SLC35E4: variants seen among roughly 807,000 people sequenced by gnomAD.
SLC35E4 encodes the protein solute carrier family 35, member E4.
Under a neutral mutation model 19.3 loss-of-function variants are expected in SLC35E4, and 15 were observed. The ratio of observed to expected loss-of-function variants is 0.78; its 90% confidence interval spans 0.52 to 1.20. The LOEUF (loss-of-function observed/expected upper bound fraction) is 1.20, where lower values mean the gene tolerates loss of function less well. Among genes scored for constraint, SLC35E4 ranks in the 50% most tolerant of loss-of-function variants. SLC35E4 has a pLI of 0.00. For synonymous variants in SLC35E4, 219 were observed against 219.9 expected, an observed-to-expected ratio of 1.00 and a Z score of 0.04; for missense variants, 406 against 472.3, an observed-to-expected ratio of 0.86 and a Z score of 1.30.
chr22:30,642,741 A>AG (rs905958458), intron 1 of SLC35E4, among the ~76,000 whole-genome samples: 2 of 148,976 alleles, frequency 1.3e-5, no homozygotes, highest in African/African-American at 5.0e-5. Context: ...AAAAAAAAAA[A>AG]AAAAAAGGCC....
chr22:30,666,762 C>T (rs1312539583), downstream of SLC35E4: 2 of 151,504 alleles, frequency 1.3e-5, no homozygotes, highest in African/African-American at 4.9e-5. Flanking sequence ...AGTAAACAGG[C>T]AATTACAGGC....
At chr22:30,656,802 A>G (rs2088346790) in intron 2 of SLC35E4, among the ~76,000 whole-genome samples, 1 of 152,150 alleles carries the variant, frequency 6.6e-6, no homozygotes, top group Non-Finnish European at 1.5e-5. Flanking sequence ...CCAATTCTGA[A>G]TATTTAAAAA....
chr22:30,646,019 G>T (rs182754257), intron 1 of SLC35E4, among the ~76,000 whole-genome samples: 4 of 150,904 alleles, frequency 2.7e-5, no homozygotes, highest in Non-Finnish European at 5.9e-5. Context: ...GTTTTATCAC[G>T]TTGCCCGGGC....
At chr22:30,646,395 C>G (rs1407487097) in intron 1 of SLC35E4, among the ~76,000 whole-genome samples, 2 of 152,164 alleles carry the variant, frequency 1.3e-5, no homozygotes. Context: ...GAGCCCAGGT[C>G]ACAGCTACTC....
downstream of SLC35E4, chr22:30,663,927 C>T (rs1410290232): frequency 6.2e-7 from 1 of 1,614,170 alleles, no homozygotes. Context: ...GATATACAGG[C>T]TTTTGGTTAT....
chr22:30,654,458 C>T, intron 2 of SLC35E4: 1 of 438,214 alleles, frequency 2.3e-6, no homozygotes, highest in Non-Finnish European at 4.5e-6. Flanking sequence ...GCAGGAACCA[C>T]CACCTGCTTT....
At chr22:30,658,147 G>A (rs566780462) in intron 2 of SLC35E4, among the ~76,000 whole-genome samples, 2 of 151,474 alleles carry the variant, frequency 1.3e-5, no homozygotes, top group East Asian at 3.9e-4. Context: ...GAATCTCTCG[G>A]GGTTCTAGTT....
intron 1 of SLC35E4, among the ~76,000 whole-genome samples, chr22:30,643,052 C>G (rs2088072846): frequency 1.3e-5 from 2 of 151,378 alleles, no homozygotes; most frequent in Admixed American, 6.6e-5. Context: ...AAAAAAGTAT[C>G]CAGAAAGAGG....
chr22:30,651,399 G>GTA (rs1427700463), downstream of SLC35E4, among the ~76,000 whole-genome samples: 185 of 61,294 alleles, frequency 3.0e-3, 1 homozygote, highest in Non-Finnish European at 3.9e-3. Flanking sequence ...GTGTGTGTGT[G>GTA]TATATATATA....
chr22:30,665,398 A>G, downstream of SLC35E4: 1 of 379,136 alleles, frequency 2.6e-6, no homozygotes, highest in South Asian at 2.0e-5. Context: ...AGGTGAACCG[A>G]GCCACTTACA....
downstream of SLC35E4, among the ~76,000 whole-genome samples, chr22:30,650,523 A>G (rs1197266808): frequency 1.3e-5 from 2 of 152,096 alleles, no homozygotes; most frequent in Non-Finnish European, 2.9e-5. Context: ...AAAAAAGAAC[A>G]GGGGCTCTGG....
intron 1 of SLC35E4, among the ~76,000 whole-genome samples, chr22:30,644,408 C>G (rs1478837116): frequency 6.6e-6 from 1 of 152,210 alleles, no homozygotes; most frequent in Non-Finnish European, 1.5e-5. Flanking sequence ...TCTCCACTAA[C>G]TTGGCAAAGG....
chr22:30,663,673 A>G (rs1235518426), downstream of SLC35E4: 1 of 1,614,102 alleles, frequency 6.2e-7, no homozygotes, highest in Non-Finnish European at 8.5e-7. Flanking sequence ...AGGGCAGCTG[A>G]GCGGCTCACA....
At chr22:30,651,367 A>ATTTTTTTTTTTTT (rs35299835), downstream of SLC35E4, among the ~76,000 whole-genome samples, 1 of 77,010 alleles carries the variant, frequency 1.3e-5, no homozygotes, top group African/African-American at 5.8e-5. Context: ...CACGTGGCTA[A>ATTTTTTTTTTTTT]TTTTTGTGTG....
chr22:30,664,436 T>C (rs2088580368), downstream of SLC35E4, among the ~76,000 whole-genome samples: 1 of 152,252 alleles, frequency 6.6e-6, no homozygotes, highest in East Asian at 1.9e-4. Flanking sequence ...CAGCTGTGCC[T>C]TGGCCTGATT....
At position 30,636,177 on chromosome 22, in the gene SLC35E4, G is replaced by A. The variant is rs878948762; in HGVS notation, c.-274G>A. 1.1e-5 allele frequency: 5 copies of A among 464,928 alleles called. No individual in the cohort carries two copies. The South Asian group carries it at 2.3e-4, about 21-fold the overall frequency. The allele number at this position is 464,928 out of a possible 1,614,324, so 28.8% of individuals were successfully genotyped here. ...AGGAAAGTGGAGACCACCTGGCACG[G>A]GGCAGAGGTGCCTGGAGCCCACGCT... On this transcript the variant is annotated 5_prime_UTR_variant, in exon 1 of 2. Transcript: ENST00000343605.
At chr22:30,638,142 G>A (rs932092874) in intron 1 of SLC35E4, among the ~76,000 whole-genome samples, 2 of 151,822 alleles carry the variant, frequency 1.3e-5, no homozygotes, top group Non-Finnish European at 2.9e-5. Context: ...GAGGTGGGAG[G>A]ACTCTTGAGA....
chr22:30,637,057 T>C lies in SLC35E4; in HGVS notation c.607T>C (p.Ser203Pro). The change falls in exon 1 of 2, where the codon TCG (serine) becomes CCG (proline). Residue 203 changes from serine (S) to proline (P), a missense_variant. Transcript: ENST00000343605. ...AGCCACCTGCCTCCGCGGACTCAAG[T>C]CGGTTCAGCAAAGTAAGTGCCTGGG... ...LAATCLRGLK[S>P]VQQSALLQEE... The C allele has an allele frequency of 6.4e-7, 1 of 1,569,666 alleles. No individual in the cohort carries two copies. Among genetic ancestry groups the C allele is most frequent in the Non-Finnish European group, 8.7e-7 (1 of 1,154,268 alleles).
downstream of SLC35E4, chr22:30,663,613 G>C: frequency 6.2e-7 from 1 of 1,614,214 alleles, no homozygotes; most frequent in African/African-American, 1.3e-5. Flanking sequence ...GTCCACGTGT[G>C]GGCGTCCAGC....
Sources: gnomAD v4.1 joint callset for allele counts (sites outside exome capture counted in the v4.1 genomes callset) on GRCh38, gnomAD v4.1.1 for gene constraint, MANE v1.5 for transcripts, NCBI Gene and HGNC (gene_info 2026-07-23, HGNC 2026-07-21) for gene names.